Variants in PPFIA1 observed in about 807,000 individuals in gnomAD.
The protein encoded by PPFIA1 is PPFI scaffold protein A1, also known as liprin-alpha-1.
A neutral mutation model predicts 149.9 loss-of-function variants in PPFIA1; 25 were observed. The ratio of observed to expected loss-of-function variants is 0.17; its 90% CI spans 0.12 to 0.23. PPFIA1 has a LOEUF of 0.23. Ranked by LOEUF, PPFIA1 falls within the 10% of genes least tolerant of loss-of-function variation. PPFIA1 has a pLI of 1.00. For missense variants in PPFIA1, 1,362 were observed against 1,506.5 expected (o/e 0.90, Z 1.59); for synonymous variants, 549 against 552.8 (o/e 0.99, Z 0.10).
intron 11 of PPFIA1, 147 bp downstream of exon 11, chr11:70,335,841 G>A (rs1383264492): frequency 1.1e-6 from 1 of 880,888 alleles, no homozygotes; most frequent in Admixed American, 2.6e-5. Context: ...GGTATGCACA[G>A]TTATCCAGTC....
At chr11:70,368,161 C>A (rs762114781) in intron 21 of PPFIA1, among the ~76,000 whole-genome samples, 4 of 151,984 alleles carry the variant, frequency 2.6e-5, no homozygotes, top group Admixed American at 6.6e-5. Context: ...AAATATCAGG[C>A]CTGTAAGGGT....
chr11:70,286,762 T>C (rs140616071), intron 2 of PPFIA1, among the ~76,000 whole-genome samples: 1,653 of 147,998 alleles, frequency 0.011, 33 homozygotes, highest in African/African-American at 0.038. Context: ...TTCTTTTTTT[T>C]TTTTTTTTTT....
At chr11:70,276,898 C>A (rs1338603232) in intron 2 of PPFIA1, among the ~76,000 whole-genome samples, 3 of 151,292 alleles carry the variant, frequency 2.0e-5, no homozygotes, top group African/African-American at 7.3e-5. Flanking sequence ...ATCTCTTAAT[C>A]AGTCTTGTTG....
intron 4 of PPFIA1, 138 bp downstream of exon 4, chr11:70,325,149 G>C (rs944777649): frequency 1.2e-6 from 1 of 814,882 alleles, no homozygotes; most frequent in Non-Finnish European, 1.8e-6. Flanking sequence ...GGGTTTTGTA[G>C]GTTTAAAAAG....
At position 70,332,093 on chromosome 11, in the gene PPFIA1, A is replaced by C. The variant is rs939094451; in HGVS notation, c.1211A>C (p.Lys404Thr). The C allele has an allele frequency of 6.3e-7, 1 of 1,593,844 alleles. No homozygotes were observed. The highest frequency in any genetic ancestry group is 1.4e-5 in the African/African-American group (1 of 73,650). The change falls in exon 9 of 28, where the codon AAG becomes ACG. Residue 404 changes from lysine to threonine, a missense_variant and splice_region_variant. Coordinates refer to ENST00000253925, the MANE Select transcript of PPFIA1 (RefSeq NM_003626.5). ...ELAQRVAALSKAEERHGNIEE... is the reference protein window; with the variant it reads ...ELAQRVAALSTAEERHGNIEE... ...GCCCAGAGGGTGGCAGCGCTTTCCA[A>C]GGTAGTGCCATGAGCTTCATTCTGG...
chr11:70,322,752 A>G (rs2054016148), intron 2 of PPFIA1, among the ~76,000 whole-genome samples: 1 of 152,232 alleles, frequency 6.6e-6, no homozygotes, highest in Non-Finnish European at 1.5e-5. Flanking sequence ...AATAAAATAT[A>G]CTAAGATAAA....
At chr11:70,380,508 C>G (rs1453069968) in intron 26 of PPFIA1, among the ~76,000 whole-genome samples, 1 of 151,980 alleles carries the variant, frequency 6.6e-6, no homozygotes, top group Non-Finnish European at 1.5e-5. Context: ...ACCCAGGAGG[C>G]GGAGCTTGTG....
chr11:70,337,814 C>CAT (rs2055076186), intron 12 of PPFIA1, among the ~76,000 whole-genome samples: 1 of 152,080 alleles, frequency 6.6e-6, no homozygotes, highest in East Asian at 1.9e-4. Flanking sequence ...GTTATTATTT[C>CAT]ATAATGTATT....
intron 19 of PPFIA1, chr11:70,358,656 CTGAT>C (rs2056477501): frequency 6.6e-6 from 1 of 152,212 alleles, no homozygotes; most frequent in Non-Finnish European, 1.5e-5. Flanking sequence ...TTATTAACCC[CTGAT>C]TTAACTCAAA....
chr11:70,335,476 G>A, intron 10 of PPFIA1, 87 bp from the exon 11 acceptor site: 2 of 1,500,760 alleles, frequency 1.3e-6, no homozygotes, highest in South Asian at 2.4e-5. Context: ...GGGCACACAT[G>A]GGGCTCACCC....
At chr11:70,370,103 A>C (rs1012358681) in intron 21 of PPFIA1, among the ~76,000 whole-genome samples, 22 of 151,896 alleles carry the variant, frequency 1.4e-4, no homozygotes, top group Admixed American at 5.2e-4. Context: ...GGCATGTGCC[A>C]CCATGCCTAG....
chr11:70,310,614 G>C (rs2053199876), intron 2 of PPFIA1, among the ~76,000 whole-genome samples: 1 of 152,110 alleles, frequency 6.6e-6, no homozygotes, highest in Non-Finnish European at 1.5e-5. Flanking sequence ...TCCATCTCTT[G>C]ACCCCGTGAT....
chr11:70,309,234 A>G (rs1029963530), intron 2 of PPFIA1, among the ~76,000 whole-genome samples: 2 of 151,654 alleles, frequency 1.3e-5, no homozygotes, highest in Non-Finnish European at 2.9e-5. Flanking sequence ...CAGTGGCGCG[A>G]TCTCTGCCGA....
intron 2 of PPFIA1, among the ~76,000 whole-genome samples, chr11:70,316,441 G>T (rs1163680130): frequency 6.6e-6 from 1 of 152,228 alleles, no homozygotes; most frequent in East Asian, 1.9e-4. Flanking sequence ...TCAGCAAAAG[G>T]TTAGTGAAAT....
chr11:70,347,225 G>T (rs2055758241), intron 15 of PPFIA1, among the ~76,000 whole-genome samples: 1 of 152,092 alleles, frequency 6.6e-6, no homozygotes, highest in Admixed American at 6.5e-5. Flanking sequence ...GGAGATAAGG[G>T]TCATAAAATT....
At position 70,343,423 on chromosome 11, in the gene PPFIA1, A is replaced by G. The variant is rs183235323; in HGVS notation, c.1708-246A>G. ...TGACTCTGCCATCTCCCAGTTGTGTATTTCGCCATGGAAATGCCACATGTC... is the reference window on the plus strand; with the variant it reads ...TGACTCTGCCATCTCCCAGTTGTGTGTTTCGCCATGGAAATGCCACATGTC... On this transcript the variant is annotated intron_variant, in intron 14 of 27. Coordinates refer to ENST00000253925, the MANE Select transcript of PPFIA1 (RefSeq NM_003626.5). Among the ~76,000 whole-genome samples the G allele has an allele frequency of 4.4e-4, 67 of 152,112 alleles. No individual in the cohort carries two copies. The East Asian group carries it at 7.0e-3, about 16-fold the overall frequency.
intron 21 of PPFIA1, 74 bp downstream of exon 21, chr11:70,362,562 C>A: frequency 7.0e-7 from 1 of 1,431,710 alleles, no homozygotes. Flanking sequence ...GCCCTGTTTA[C>A]ATTGCTTCTC....
At chr11:70,308,910 G>A (rs1025849132) in intron 2 of PPFIA1, among the ~76,000 whole-genome samples, 1 of 152,130 alleles carries the variant, frequency 6.6e-6, no homozygotes, top group Admixed American at 6.5e-5. Context: ...GTGACAGGGC[G>A]AGACTCTCTC....
chr11:70,352,891 T>TA (rs1157993115), intron 16 of PPFIA1, among the ~76,000 whole-genome samples: 1 of 152,116 alleles, frequency 6.6e-6, no homozygotes, highest in Admixed American at 6.5e-5. Context: ...CAGACCCTGT[T>TA]ACCAGCTTAT....
Sources: allele counts gnomAD v4.1 joint callset (sites outside exome capture counted in the v4.1 genomes callset), GRCh38; gene constraint gnomAD v4.1.1; transcripts MANE v1.5; gene names NCBI Gene and HGNC (gene_info 2026-07-23, HGNC 2026-07-21).